Variants in CFAP97D2 observed in about 807,000 individuals in gnomAD.
The protein encoded by CFAP97D2 is CFAP97 domain containing 2, also known as uncharacterized protein CFAP97D2.
chr13:114,201,641 A>G (rs1382455160), intron 3 of CFAP97D2, among the ~76,000 whole-genome samples: 2 of 152,194 alleles, frequency 1.3e-5, no homozygotes, highest in Non-Finnish European at 2.9e-5. Context: ...ATAACTGGCT[A>G]TTTCATGTCT....
intron 1 of CFAP97D2, among the ~76,000 whole-genome samples, chr13:114,183,163 A>ATTATTTATTTAT (rs569807563): frequency 0.011 from 1,735 of 152,078 alleles, 96 homozygotes; most frequent in Admixed American, 0.081. Flanking sequence ...ACAGATTGTC[A>ATTATTTATTTAT]TTATTTATTT....
rs1020372297 is a variant in CFAP97D2 at position 114,185,019 on chromosome 13, T to G, written c.90+5599T>G. 6.6e-6 allele frequency among the ~76,000 whole-genome samples: 1 copy of G among 151,558 alleles called. No individual in the cohort carries two copies. Among genetic ancestry groups the G allele is most frequent in the Non-Finnish European group, 1.5e-5 (1 of 67,900 alleles). On this transcript the variant is annotated intron_variant, in intron 1 of 4. Transcript: ENST00000646158. The surrounding 1 kb of genome is among the most constrained non-coding windows in gnomAD (Gnocchi z 5.2). ...CATGTCAGTTGCAGTGGGTGGGGGG[T>G]GGTGCATGGGTGGTGGTGGTGGAAG...
intron 1 of CFAP97D2, among the ~76,000 whole-genome samples, chr13:114,184,432 G>C (rs2080848047): frequency 6.6e-6 from 1 of 152,164 alleles, no homozygotes; most frequent in African/African-American, 2.4e-5. Flanking sequence ...ACTACACCTA[G>C]GCATATCGTG....
At chr13:114,218,105 G>A (rs9670701) in intron 4 of CFAP97D2, among the ~76,000 whole-genome samples, 4,144 of 152,076 alleles carry the variant, frequency 0.027, 182 homozygotes, top group African/African-American at 0.094. Flanking sequence ...TGCAGATGAC[G>A]TGATTGTATA....
At chr13:114,183,312 G>A (rs550873004) in intron 1 of CFAP97D2, among the ~76,000 whole-genome samples, 15 of 152,042 alleles carry the variant, frequency 9.9e-5, no homozygotes, top group South Asian at 2.1e-4. Context: ...GATTACAGTC[G>A]CGTGCCACCA....
chr13:114,192,435 C>T lies in CFAP97D2; in HGVS notation c.91-3961C>T, dbSNP rs190991256. 2.4e-3 allele frequency among the ~76,000 whole-genome samples: 368 copies of T among 152,124 alleles called. 3 individuals are homozygous for T. The highest frequency in any genetic ancestry group is 0.022 in the Admixed American group (342 of 15,286). On this transcript the variant is annotated intron_variant, in intron 1 of 4. Coordinates refer to ENST00000646158, the Ensembl canonical transcript of CFAP97D2. ...ATTTTTTTTAAATCGCAAACAAAAA[C>T]ACAACATAAAAGGACTGTGTTACCA... is the stretch of plus-strand genomic sequence containing the variant.
rs561354883 is a variant in CFAP97D2, at chr13:114,204,118, A to G, written c.290+3675A>G. 3.3e-5 allele frequency among the ~76,000 whole-genome samples: 5 copies of G among 152,354 alleles called. No individual in the cohort carries two copies. In the East Asian group the frequency reaches 9.6e-4, roughly 29 times the overall value. On this transcript the variant is annotated intron_variant, in intron 3 of 4. Transcript: ENST00000646158. ...AAAGAAAGGCAGATTTATGAGAGAAAGTAGGAAAATACATTTCGAGGAGGC... is the reference window on the plus strand; with the variant it reads ...AAAGAAAGGCAGATTTATGAGAGAAGGTAGGAAAATACATTTCGAGGAGGC...
intron 4 of CFAP97D2, among the ~76,000 whole-genome samples, chr13:114,213,840 G>A (rs182625684): frequency 0.011 from 491 of 45,620 alleles, 3 homozygotes; most frequent in African/African-American, 0.023. Flanking sequence ...CCAGGACCAC[G>A]AACCCCACCC....
At chr13:114,183,906 G>A (rs2080846040) in intron 1 of CFAP97D2, among the ~76,000 whole-genome samples, 1 of 152,222 alleles carries the variant, frequency 6.6e-6, no homozygotes, top group Non-Finnish European at 1.5e-5. Context: ...CCAGCACTTT[G>A]GGAGGCCAAG....
intron 3 of CFAP97D2, among the ~76,000 whole-genome samples, chr13:114,205,223 A>C (rs950081805): frequency 6.6e-6 from 1 of 152,194 alleles, no homozygotes; most frequent in African/African-American, 2.4e-5. Context: ...GGCTGGGAGG[A>C]ATGGTGCAGC....
intron 3 of CFAP97D2, among the ~76,000 whole-genome samples, chr13:114,209,675 A>G (rs1050519183): frequency 1.3e-5 from 2 of 152,122 alleles, no homozygotes; most frequent in Non-Finnish European, 2.9e-5. Context: ...CACGGGCACC[A>G]CAGTTGTCAT....
chr13:114,219,964 G>A (rs1189577013), intron 4 of CFAP97D2, among the ~76,000 whole-genome samples: 1 of 152,112 alleles, frequency 6.6e-6, no homozygotes, highest in Admixed American at 6.5e-5. Flanking sequence ...GAACGTGAAT[G>A]CGTCTCTCGG....
intron 4 of CFAP97D2, among the ~76,000 whole-genome samples, chr13:114,214,925 A>C (rs2080986989): frequency 6.6e-6 from 1 of 152,142 alleles, no homozygotes; most frequent in Admixed American, 6.5e-5. Flanking sequence ...AATTTATTTA[A>C]TCAGTCCCCT....
chr13:114,208,072 CAGCTTT>C (rs2080949479), intron 3 of CFAP97D2, among the ~76,000 whole-genome samples: 1 of 152,208 alleles, frequency 6.6e-6, no homozygotes, highest in Non-Finnish European at 1.5e-5. Context: ...CCGTCTCTCC[CAGCTTT>C]AGACCTGGGC....
intron 3 of CFAP97D2, among the ~76,000 whole-genome samples, chr13:114,210,494 C>T (rs1200062146): frequency 6.6e-6 from 1 of 152,140 alleles, no homozygotes; most frequent in African/African-American, 2.4e-5. Flanking sequence ...CATCCTTGCC[C>T]CTCCTGGTTG....
intron 1 of CFAP97D2, among the ~76,000 whole-genome samples, chr13:114,190,664 GA>G (rs1440421848): frequency 6.6e-6 from 1 of 152,214 alleles, no homozygotes; most frequent in Non-Finnish European, 1.5e-5. Context: ...TATGTTAATG[GA>G]TAGGAAGATA....
chr13:114,184,328 A>G (rs1361419374), intron 1 of CFAP97D2, among the ~76,000 whole-genome samples: 1 of 152,230 alleles, frequency 6.6e-6, no homozygotes, highest in African/African-American at 2.4e-5. Flanking sequence ...ATTTGAAGCA[A>G]TAATGAATGA....
chr13:114,202,567 A>T (rs1223208162), intron 3 of CFAP97D2, among the ~76,000 whole-genome samples: 1 of 152,234 alleles, frequency 6.6e-6, no homozygotes, highest in Non-Finnish European at 1.5e-5. Context: ...AGCAATGCAG[A>T]TGCACACCAG....
At chr13:114,195,218 G>C (rs1363810581) in intron 1 of CFAP97D2, among the ~76,000 whole-genome samples, 2 of 152,224 alleles carry the variant, frequency 1.3e-5, no homozygotes, top group African/African-American at 4.8e-5. Context: ...TTCACACGTA[G>C]TGACAGAGGA....
Sources: gnomAD v4.1 joint callset for allele counts (sites outside exome capture counted in the v4.1 genomes callset) on GRCh38, gnomAD v4.1.1 for gene constraint, Gnocchi (gnomAD v3.1) non-coding constraint, MANE v1.5 for transcripts, NCBI Gene and HGNC (gene_info 2026-07-23, HGNC 2026-07-21) for gene names.